The following LANCL3 variants were observed in gnomAD, a reference collection of about 807,000 sequenced individuals.
LANCL3 encodes lanC-like protein 3.
LANCL3 carries 19 observed loss-of-function variants against 26.5 expected under a neutral mutation model. The observed-to-expected ratio is 0.72, with a 90% CI of 0.50 to 1.05. The LOEUF is 1.05. LANCL3 is among the 50% of genes least tolerant of loss of function. The pLI is 0.00. For missense variants in LANCL3, 318 were observed against 362.7 expected, an observed-to-expected ratio of 0.88 and a Z score of 1.00; for synonymous variants, 160 against 166.6, an observed-to-expected ratio of 0.96 and a Z score of 0.30.
chrX:37,608,345 C>T (rs782547745), intron 1 of LANCL3, among the ~76,000 whole-genome samples: 25 of 111,814 alleles, frequency 2.2e-4, no homozygotes, highest in Non-Finnish European at 4.0e-4. Context: ...CTGGGCCCTA[C>T]CTCAGAGTTT....
intron 1 of LANCL3, among the ~76,000 whole-genome samples, chrX:37,629,739 G>A (rs1925430385): frequency 9.0e-6 from 1 of 111,333 alleles, no homozygotes; most frequent in South Asian, 3.8e-4. Context: ...TGTCAGGTTT[G>A]TCAAAGATCA....
At position 37,584,259 on chromosome X, in the gene LANCL3, G is replaced by T. The variant is rs782370178; in HGVS notation, c.573+11816G>T. On this transcript the variant is annotated intron_variant, in intron 1 of 4. Transcript: ENST00000378619. Reference sequence around the variant, plus strand: ...GGATTTTTGCCTCGATGTTCATCAGGGATATTGGTCTAAAATTCTCTTTTC... The same window carrying T: ...GGATTTTTGCCTCGATGTTCATCAGTGATATTGGTCTAAAATTCTCTTTTC... Among the ~76,000 whole-genome samples, 4 of 109,112 alleles carry T rather than the reference G, an allele frequency of 3.7e-5. No homozygotes were observed. The South Asian group carries it at 1.6e-3, about 43-fold the overall frequency. The allele number at this position is 109,112 out of a possible 115,157, so 94.8% of individuals were successfully genotyped here.
chrX:37,666,742 C>T (rs2075809462), intron 3 of LANCL3, among the ~76,000 whole-genome samples: 1 of 111,998 alleles, frequency 8.9e-6, no homozygotes, highest in Non-Finnish European at 1.9e-5. Flanking sequence ...AAGTAGAAGT[C>T]TTGGCAAGAT....
intron 1 of LANCL3, among the ~76,000 whole-genome samples, chrX:37,596,006 A>G (rs1455119196): frequency 8.9e-6 from 1 of 112,170 alleles, no homozygotes; most frequent in Non-Finnish European, 1.9e-5. Flanking sequence ...TATGTATGGA[A>G]GAGTCAAAGC....
At chrX:37,644,441 A>G (rs1925940103) in intron 1 of LANCL3, among the ~76,000 whole-genome samples, 1 of 112,111 alleles carries the variant, frequency 8.9e-6, no homozygotes, top group Non-Finnish European at 1.9e-5. Flanking sequence ...AACCATGGGT[A>G]TGGTGCCAAA....
intron 1 of LANCL3, among the ~76,000 whole-genome samples, chrX:37,631,525 T>A (rs1438345858): frequency 9.0e-6 from 1 of 111,668 alleles, no homozygotes; most frequent in Non-Finnish European, 1.9e-5. Flanking sequence ...GCTTTTCTAG[T>A]TCTTTTTATT....
At position 37,572,238 on chromosome X, in the gene LANCL3, G is replaced by A; in HGVS notation, c.368G>A (p.Gly123Glu). ...GACACCCGCGCCGCCTTCCTGCTCG[G>A]GGGCGCGGGCGTGTACGCCGTGGCC... ...DADTRAAFLL[G>E]GAGVYAVATL... Residue 123 changes from glycine to glutamate, a missense_variant, in exon 1 of 5, where the codon GGG (glycine) becomes GAG (glutamate). Coordinates refer to ENST00000378619, the MANE Select transcript of LANCL3 (RefSeq NM_001170331.2). 1 of 1,149,786 alleles carries A rather than the reference G, an allele frequency of 8.7e-7. No individual in the cohort carries two copies. The highest frequency in any genetic ancestry group is 1.2e-6 in the Non-Finnish European group (1 of 867,819). 94.8% of individuals were successfully genotyped at this position (1,149,786 alleles called of 1,213,427 possible).
chrX:37,609,194 C>G (rs1260940573), intron 1 of LANCL3, among the ~76,000 whole-genome samples: 1 of 112,212 alleles, frequency 8.9e-6, no homozygotes, highest in Non-Finnish European at 1.9e-5. Flanking sequence ...CTTTCAGCAA[C>G]CTTCCACCTG....
At chrX:37,581,930 C>T (rs1213038158) in intron 1 of LANCL3, among the ~76,000 whole-genome samples, 4 of 110,116 alleles carry the variant, frequency 3.6e-5, no homozygotes, top group African/African-American at 6.7e-5. Flanking sequence ...ATCCCTCCCC[C>T]GTCCCCACAT....
At chrX:37,675,020 G>A (rs1244974363) in intron 4 of LANCL3, among the ~76,000 whole-genome samples, 2 of 112,042 alleles carry the variant, frequency 1.8e-5, no homozygotes, top group South Asian at 3.7e-4. Flanking sequence ...AAGAAAAAAG[G>A]TCTTTCATAG....
chrX:37,673,404 G>T (rs1926726251), intron 4 of LANCL3, among the ~76,000 whole-genome samples: 1 of 110,621 alleles, frequency 9.0e-6, no homozygotes, highest in Admixed American at 9.6e-5. Flanking sequence ...AATAATAATG[G>T]TAACTCACAG....
intron 1 of LANCL3, among the ~76,000 whole-genome samples, chrX:37,598,453 T>G (rs1489014888): frequency 8.9e-6 from 1 of 112,033 alleles, no homozygotes; most frequent in Non-Finnish European, 1.9e-5. Context: ...CACTCTGATA[T>G]GCAGTATCTA....
intron 1 of LANCL3, among the ~76,000 whole-genome samples, chrX:37,600,341 G>A (rs1214498147): frequency 1.8e-5 from 2 of 111,979 alleles, no homozygotes; most frequent in Non-Finnish European, 3.8e-5. Context: ...CATGGGGTTC[G>A]GTAGTACTTG....
At chrX:37,630,417 C>G (rs1556423967) in intron 1 of LANCL3, among the ~76,000 whole-genome samples, 3 of 109,225 alleles carry the variant, frequency 2.7e-5, no homozygotes, top group Non-Finnish European at 1.9e-5. Context: ...TTGACTTCCT[C>G]TTTTCCTAAT....
In LANCL3 at chrX:37,586,505, C is replaced by CT. The variant is rs782642858; in HGVS notation, c.573+14068dup. Reference sequence around the variant, plus strand: ...GAGGCTTTGTTCGTTTCTTTTTATTCTTTTTTCTCTAAACTTCTCTTCTCG... The same window carrying CT: ...GAGGCTTTGTTCGTTTCTTTTTATTCTTTTTTTCTCTAAACTTCTCTTCTCG... On this transcript the variant is annotated intron_variant, in intron 1 of 4. Transcript: ENST00000378619. Among the ~76,000 whole-genome samples the CT allele has an allele frequency of 2.5e-3, 275 of 111,599 alleles. 2 individuals carry two copies. The highest frequency in any genetic ancestry group is 0.021 in the Admixed American group (218 of 10,529).
chrX:37,650,465 C>T (rs150243372), intron 1 of LANCL3, among the ~76,000 whole-genome samples: 1,461 of 100,186 alleles, frequency 0.015, 32 homozygotes, highest in African/African-American at 0.051. Flanking sequence ...AGGGATGAAA[C>T]GACAAATGAA....
intron 1 of LANCL3, among the ~76,000 whole-genome samples, chrX:37,643,437 T>C (rs1231495435): frequency 1.8e-5 from 2 of 112,170 alleles, no homozygotes; most frequent in African/African-American, 6.5e-5. Flanking sequence ...GTAAGACACA[T>C]TAAAGACCGC....
At chrX:37,644,617 A>G (rs1203839797) in intron 1 of LANCL3, among the ~76,000 whole-genome samples, 4 of 112,084 alleles carry the variant, frequency 3.6e-5, no homozygotes, top group Non-Finnish European at 3.8e-5. Flanking sequence ...TCATGTGCAC[A>G]TCAGGTTTCT....
chrX:37,659,712 AG>A (rs1368142006), intron 3 of LANCL3, 53 bp downstream of exon 3: 12 of 1,071,664 alleles, frequency 1.1e-5, no homozygotes, highest in South Asian at 1.9e-5. Flanking sequence ...GGTTAGCCAC[AG>A]GGTGGTTCCT....
Sources: gnomAD v4.1 joint callset for allele counts (sites outside exome capture counted in the v4.1 genomes callset) on GRCh38, gnomAD v4.1.1 for gene constraint, MANE v1.5 for transcripts, NCBI Gene and HGNC (gene_info 2026-07-23, HGNC 2026-07-21) for gene names.